The following LSM2 variants were observed in gnomAD, a reference collection of about 807,000 sequenced individuals.
LSM2 encodes the protein LSM2 homolog, U6 small nuclear RNA and mRNA degradation associated.
LSM2 carries 12 observed loss-of-function variants against 17.0 expected under a neutral mutation model. The observed-to-expected ratio is 0.70, with a 90% CI of 0.45 to 1.14. The LOEUF is 1.14. Among genes scored for constraint, LSM2 ranks in the 50% most tolerant of loss-of-function variants. LSM2 has a pLI of 0.00. For synonymous variants in LSM2, 42 were observed against 44.5 expected (o/e 0.94, Z 0.22); for missense variants, 62 against 111.8 (o/e 0.55, Z 2.01).
intron 2 of LSM2, among the ~76,000 whole-genome samples, chr6:31,801,689 G>A (rs907236457): frequency 3.9e-5 from 6 of 151,902 alleles, no homozygotes; most frequent in East Asian, 1.9e-4. Flanking sequence ...CCAGCTATTC[G>A]GGAGGCTGAG....
chr6:31,805,737 C>T (rs1201987497), intron 2 of LSM2, among the ~76,000 whole-genome samples: 2 of 152,200 alleles, frequency 1.3e-5, no homozygotes, highest in Non-Finnish European at 2.9e-5. Context: ...ATACACGATA[C>T]AATCTCTAAG....
At chr6:31,802,319 G>T (rs1814761048) in intron 2 of LSM2, among the ~76,000 whole-genome samples, 1 of 151,776 alleles carries the variant, frequency 6.6e-6, no homozygotes, top group Admixed American at 6.6e-5. Flanking sequence ...AAAGAAGGCT[G>T]GGCGCAGTGG....
intron 2 of LSM2, among the ~76,000 whole-genome samples, chr6:31,803,944 G>A (rs765645954): frequency 1.3e-5 from 2 of 152,038 alleles, no homozygotes; most frequent in African/African-American, 2.4e-5. Context: ...TGGCTCATGC[G>A]CGTAACCCCA....
chr6:31,806,151 A>G lies in LSM2; in HGVS notation c.4-9T>C, dbSNP rs754088399. On this transcript the variant is annotated splice_polypyrimidine_tract_variant and intron_variant, in intron 1 of 4. Transcript: ENST00000375661. ...AAAAAAGAATAGAAGAGCTATTGGG[A>G]GAGAGGGGGAAAACCATCATGTGGG... 1.3e-5 allele frequency: 21 copies of G among 1,612,428 alleles called. No homozygotes were observed. Among genetic ancestry groups the G allele is most frequent in the Non-Finnish European group, 2.5e-6 (3 of 1,179,628 alleles).
At chr6:31,799,592 A>G (rs1581674802) in intron 2 of LSM2, among the ~76,000 whole-genome samples, 1 of 149,830 alleles carries the variant, frequency 6.7e-6, no homozygotes, top group East Asian at 2.0e-4. Context: ...TCCTGACCTC[A>G]TGATCTGCCC....
At position 31,806,809 on chromosome 6, in the gene LSM2, C is replaced by T. The variant is rs770199476; in HGVS notation, c.-52G>A. 8 of 1,594,620 alleles carry T rather than the reference C, an allele frequency of 5.0e-6. No individual in the cohort carries two copies. In the Admixed American group the frequency reaches 1.1e-4, roughly 21 times the overall value. ...GGACCGGGAAGACAGCAGGGTGCTG[C>T]GAGCAGGTCTGGGGAAACCGAAGCG... is the stretch of plus-strand genomic sequence containing the variant. On this transcript the variant is annotated 5_prime_UTR_variant, in exon 1 of 5. Coordinates refer to ENST00000375661, the MANE Select transcript of LSM2 (RefSeq NM_021177.5).
At position 31,797,468 on chromosome 6, in the gene LSM2, G is replaced by T. The variant is rs1814439182; in HGVS notation, c.*289C>A. ...CCCAAATGAATCACATGCTGCCCTG[G>T]AAAGACCTAGGAAACTCTCCTACCA... On this transcript the variant is annotated 3_prime_UTR_variant, in exon 5 of 5. Transcript: ENST00000375661. 5 of 401,960 alleles carry T rather than the reference G, an allele frequency of 1.2e-5. No individual in the cohort carries two copies. In the South Asian group the frequency reaches 1.3e-4, roughly 10 times the overall value. 24.9% of individuals were successfully genotyped at this position (401,960 alleles called of 1,614,324 possible). A position where few individuals can be genotyped will look rare whatever the true frequency, so the allele number is the denominator to read the frequency against.
At chr6:31,806,284 T>G (rs1815031552) in intron 1 of LSM2, 142 bp from the exon 2 acceptor site, 1 of 802,034 alleles carries the variant, frequency 1.2e-6, no homozygotes, top group East Asian at 2.7e-5. Flanking sequence ...AAAGAATAAT[T>G]GGTTGACAGA....
chr6:31,802,516 A>T (rs903455001), intron 2 of LSM2, among the ~76,000 whole-genome samples: 1 of 152,014 alleles, frequency 6.6e-6, no homozygotes, highest in Admixed American at 6.6e-5. Flanking sequence ...AATCACTTGA[A>T]CCAGGGAGTC....
chr6:31,804,833 C>T (rs935035384), intron 2 of LSM2, among the ~76,000 whole-genome samples: 71 of 141,716 alleles, frequency 5.0e-4, no homozygotes, highest in African/African-American at 1.9e-3. Context: ...GTGGCACCAT[C>T]TTGGCTCACT....
At chr6:31,806,442 A>G (rs1313889180) in intron 1 of LSM2, 2 of 601,518 alleles carry the variant, frequency 3.3e-6, no homozygotes, top group East Asian at 2.8e-5. Context: ...ACTCCTTTCA[A>G]TGAATTGTAG....
rs1426124118 is a variant in LSM2 at position 31,806,825 on chromosome 6, A to C, written c.-68T>G. ...AGGGTGCTGCGAGCAGGTCTGGGGA[A>C]ACCGAAGCGCGAGCCCGCGCGTGGG... On this transcript the variant is annotated 5_prime_UTR_variant, in exon 1 of 5. Coordinates refer to ENST00000375661, the MANE Select transcript of LSM2 (RefSeq NM_021177.5). 2.6e-6 allele frequency: 4 copies of C among 1,534,822 alleles called. No homozygotes were observed. The African/African-American group carries it at 5.6e-5, about 22-fold the overall frequency.
intron 3 of LSM2, among the ~76,000 whole-genome samples, 188 bp from the exon 4 acceptor site, chr6:31,798,237 A>G (rs546256920): frequency 1.3e-5 from 2 of 152,140 alleles, no homozygotes; most frequent in Admixed American, 6.6e-5. Context: ...GCCCACCACC[A>G]CGCCCAGCTA....
intron 2 of LSM2, among the ~76,000 whole-genome samples, chr6:31,803,121 G>A (rs1562329109): frequency 1.3e-5 from 2 of 152,112 alleles, no homozygotes. Flanking sequence ...CACTTGCATT[G>A]CCAGTGCTAC....
chr6:31,806,911 G>T lies in LSM2; in HGVS notation c.-154C>A. The stretch of plus-strand genomic sequence containing the variant: ...CGCAGAAAGCTCCAAGCGCTGACGG[G>T]CAAAGCGCGGCCGACTTGCGGCTGG... On this transcript the variant is annotated 5_prime_UTR_variant, in exon 1 of 5. Coordinates refer to ENST00000375661, the MANE Select transcript of LSM2 (RefSeq NM_021177.5). 1 of 1,026,856 alleles carries T rather than the reference G, an allele frequency of 9.7e-7. No homozygotes were observed. Among genetic ancestry groups the T allele is most frequent in the Non-Finnish European group, 1.4e-6 (1 of 724,300 alleles). 63.6% of individuals were successfully genotyped at this position (1,026,856 alleles called of 1,614,324 possible).
At chr6:31,799,257 G>A (rs142048851) in intron 2 of LSM2, among the ~76,000 whole-genome samples, 6 of 151,798 alleles carry the variant, frequency 4.0e-5, no homozygotes, top group Non-Finnish European at 7.4e-5. Flanking sequence ...TTATTTTTGC[G>A]ACAGGGTCTC....
At chr6:31,806,459 T>A (rs1261348282) in intron 1 of LSM2, 1 of 604,284 alleles carries the variant, frequency 1.7e-6, no homozygotes, top group Non-Finnish European at 2.9e-6. Context: ...GTAGAAAATA[T>A]CCCACCCGCA....
chr6:31,806,804 T>C lies in LSM2; in HGVS notation c.-47A>G. On this transcript the variant is annotated 5_prime_UTR_variant, in exon 1 of 5. Coordinates refer to ENST00000375661, the MANE Select transcript of LSM2 (RefSeq NM_021177.5). ...GGGCCGGACCGGGAAGACAGCAGGGTGCTGCGAGCAGGTCTGGGGAAACCG... is the reference window on the plus strand; with the variant it reads ...GGGCCGGACCGGGAAGACAGCAGGGCGCTGCGAGCAGGTCTGGGGAAACCG... 6.3e-7 allele frequency: 1 copy of C among 1,599,836 alleles called. No individual in the cohort carries two copies. The highest frequency in any genetic ancestry group is 8.5e-7 in the Non-Finnish European group (1 of 1,174,756).
chr6:31,805,089 G>A (rs1344938725), intron 2 of LSM2, among the ~76,000 whole-genome samples: 6 of 149,722 alleles, frequency 4.0e-5, no homozygotes, highest in Non-Finnish European at 5.9e-5. Context: ...TTTTGAGACA[G>A]AGTCTTCCTC....
Sources: allele counts gnomAD v4.1 joint callset (sites outside exome capture counted in the v4.1 genomes callset), GRCh38; gene constraint gnomAD v4.1.1; transcripts MANE v1.5; gene names NCBI Gene and HGNC (gene_info 2026-07-23, HGNC 2026-07-21).